The following FILIP1 variants were observed in gnomAD, a reference collection of about 807,000 sequenced individuals.
FILIP1 encodes filamin A interacting protein 1, also known as filamin-A-interacting protein 1.
A neutral mutation model predicts 102.1 loss-of-function variants in FILIP1; 61 were observed. The ratio of observed to expected loss-of-function variants is 0.60; its 90% confidence interval spans 0.49 to 0.74. The LOEUF (loss-of-function observed/expected upper bound fraction) is 0.74, where lower values mean the gene tolerates loss of function less well. FILIP1 is among the 30% of genes least tolerant of loss of function. FILIP1 has a pLI of 0.00. For synonymous variants in FILIP1, 491 were observed against 526.9 expected (o/e 0.93, Z 0.93); for missense variants, 1,314 against 1,441.2 (o/e 0.91, Z 1.43).
intron 2 of FILIP1, among the ~76,000 whole-genome samples, chr6:75,387,789 G>A (rs555618726): frequency 2.4e-4 from 37 of 152,150 alleles, no homozygotes; most frequent in African/African-American, 7.5e-4. Context: ...TTAGTCCTTC[G>A]TGAGATGGAT....
chr6:75,477,175 C>A (rs567401138), intron 1 of FILIP1, among the ~76,000 whole-genome samples: 1 of 152,170 alleles, frequency 6.6e-6, no homozygotes, highest in South Asian at 2.1e-4. Flanking sequence ...GAAGAAATAA[C>A]AGAAAAAGCA....
intron 1 of FILIP1, among the ~76,000 whole-genome samples, chr6:75,468,206 T>C (rs1269353134): frequency 1.3e-5 from 2 of 152,188 alleles, no homozygotes; most frequent in Non-Finnish European, 2.9e-5. Context: ...CTAAGCAGCC[T>C]GCCGGAGCAC....
Position 75,362,908 on chromosome 6 carries a change from C to G in FILIP1, c.286G>C (p.Asp96His). Residue 96 changes from aspartate to histidine, a missense_variant, in exon 3 of 6, where the codon GAT becomes CAT. Physicochemically the swap from Asp to His is moderately conservative, Grantham distance 81. Around this residue, in one of 3 missense-constraint regions of FILIP1, gnomAD observed 494 missense variants for 511.2 expected, o/e 0.97. Transcript: ENST00000237172. ...IMEGELQARE[D>H]VIHMLKTEKT... ...TCTGTCTTCAGCATGTGGATCACATCTTCTCTGGCCTGTAATAGAAAGTGC... is the reference window on the plus strand; with the variant it reads ...TCTGTCTTCAGCATGTGGATCACATGTTCTCTGGCCTGTAATAGAAAGTGC... The G allele has an allele frequency of 1.9e-6, 3 of 1,613,808 alleles. No individual in the cohort carries two copies. Among genetic ancestry groups the G allele is most frequent in the African/African-American group, 2.7e-5 (2 of 75,014 alleles).
chr6:75,476,661 A>G (rs1405162569), intron 1 of FILIP1, among the ~76,000 whole-genome samples: 1 of 152,186 alleles, frequency 6.6e-6, no homozygotes, highest in Non-Finnish European at 1.5e-5. Context: ...TATGAAAAAT[A>G]TCTGGAATTT....
In FILIP1 at chr6:75,360,281, A is replaced by G. The variant is rs1260982204; in HGVS notation, c.450+2463T>C. Among the ~76,000 whole-genome samples the G allele has an allele frequency of 3.3e-5, 5 of 152,302 alleles. No homozygotes were observed. The East Asian group carries it at 9.7e-4, about 29-fold the overall frequency. ...AGGAATATAATTTTGCTTGAGAAAA[A>G]TGTATCTTAGTGCTAGAGACTCTCT... On this transcript the variant is annotated intron_variant, in intron 3 of 5. Transcript: ENST00000237172.
intron 4 of FILIP1, among the ~76,000 whole-genome samples, chr6:75,335,189 G>A (rs1774201570): frequency 6.6e-6 from 1 of 152,120 alleles, no homozygotes; most frequent in South Asian, 2.1e-4. Flanking sequence ...CAACTAAAAT[G>A]CCAGTTAAGG....
chr6:75,387,631 C>G (rs375431980), intron 2 of FILIP1, among the ~76,000 whole-genome samples: 61 of 152,348 alleles, frequency 4.0e-4, no homozygotes, highest in African/African-American at 1.4e-3. Context: ...TCACATTCCT[C>G]TAATGACCAG....
At chr6:75,439,888 A>G (rs1778150858) in intron 1 of FILIP1, among the ~76,000 whole-genome samples, 1 of 152,260 alleles carries the variant, frequency 6.6e-6, no homozygotes, top group Non-Finnish European at 1.5e-5. Context: ...AATCTTTCCT[A>G]CTATGCTAAA....
chr6:75,338,413 G>A (rs924659755), intron 4 of FILIP1, among the ~76,000 whole-genome samples: 1 of 152,126 alleles, frequency 6.6e-6, no homozygotes, highest in African/African-American at 2.4e-5. Context: ...AGCATTCTTG[G>A]AAAAAGAGTG....
chr6:75,478,496 G>A (rs548823374), intron 1 of FILIP1, among the ~76,000 whole-genome samples: 5 of 152,194 alleles, frequency 3.3e-5, no homozygotes, highest in Non-Finnish European at 7.4e-5. Context: ...ATCCCCTGGA[G>A]TAACAGGCAG....
chr6:75,355,306 C>A (rs1184513479), intron 3 of FILIP1, among the ~76,000 whole-genome samples: 2 of 151,688 alleles, frequency 1.3e-5, no homozygotes, highest in African/African-American at 4.8e-5. Flanking sequence ...AAAACCAAAA[C>A]CAAAACAAAA....
At chr6:75,449,524 G>A (rs1778552367) in intron 1 of FILIP1, among the ~76,000 whole-genome samples, 1 of 152,138 alleles carries the variant, frequency 6.6e-6, no homozygotes. Context: ...ACATGTGCCT[G>A]TAATCCCAGC....
chr6:75,339,121 A>G (rs1774338044), intron 4 of FILIP1, among the ~76,000 whole-genome samples: 1 of 152,226 alleles, frequency 6.6e-6, no homozygotes, highest in Admixed American at 6.5e-5. Flanking sequence ...AAAATCTGTT[A>G]CTAGAAAGCA....
At chr6:75,298,700 T>C (rs147758076) in intron 6 of FILIP1, among the ~76,000 whole-genome samples, 3,749 of 152,178 alleles carry the variant, frequency 0.025, 149 homozygotes, top group African/African-American at 0.085. Context: ...GTGGATCACT[T>C]GAGGTCAGGA....
downstream of FILIP1, among the ~76,000 whole-genome samples, chr6:75,304,857 C>A (rs1330677753): frequency 6.6e-6 from 1 of 152,108 alleles, no homozygotes; most frequent in Non-Finnish European, 1.5e-5. Context: ...TCTTTTAGCT[C>A]TGGCTGATAT....
chr6:75,459,531 C>G (rs1778952930), intron 1 of FILIP1, among the ~76,000 whole-genome samples: 1 of 152,190 alleles, frequency 6.6e-6, no homozygotes, highest in African/African-American at 2.4e-5. Flanking sequence ...ATCATCCGAT[C>G]ATTACAAAAC....
At chr6:75,353,023 G>C (rs73453770) in intron 4 of FILIP1, among the ~76,000 whole-genome samples, 1 of 150,058 alleles carries the variant, frequency 6.7e-6, no homozygotes, top group African/African-American at 2.5e-5. Flanking sequence ...AAACTTACAC[G>C]GGGTGGGGAA....
At chr6:75,307,453 G>A (rs919804500), downstream of FILIP1, among the ~76,000 whole-genome samples, 4 of 152,090 alleles carry the variant, frequency 2.6e-5, no homozygotes, top group African/African-American at 9.7e-5. Flanking sequence ...TTGTATTTTT[G>A]TAAAGTTCAC....
intron 3 of FILIP1, among the ~76,000 whole-genome samples, chr6:75,359,236 C>G (rs1185136864): frequency 6.6e-6 from 1 of 151,406 alleles, no homozygotes; most frequent in Non-Finnish European, 1.5e-5. Flanking sequence ...GAACTCCTGA[C>G]CTCAAGTGAT....
Sources: allele counts gnomAD v4.1 joint callset (sites outside exome capture counted in the v4.1 genomes callset), GRCh38; gene constraint gnomAD v4.1.1; regional missense constraint gnomAD v4.1.1; transcripts MANE v1.5; gene names NCBI Gene and HGNC (gene_info 2026-07-23, HGNC 2026-07-21).